Variants in UBAP2L observed in about 807,000 individuals in gnomAD.
UBAP2L encodes the protein ubiquitin associated protein 2 like.
UBAP2L carries 12 observed loss-of-function variants against 130.6 expected under a neutral mutation model. The ratio of observed to expected loss-of-function variants is 0.09; its 90% CI spans 0.06 to 0.15. The LOEUF (loss-of-function observed/expected upper bound fraction) is 0.15, where lower values mean the gene tolerates loss of function less well. Ranked by LOEUF, UBAP2L falls within the 10% of genes least tolerant of loss-of-function variation. The pLI is 1.00. For synonymous variants in UBAP2L, 503 were observed against 524.7 expected (o/e 0.96, Z 0.57); for missense variants, 965 against 1,332.5 (o/e 0.72, Z 4.29).
chr1:154,266,566 C>G lies in UBAP2L; in HGVS notation c.2968C>G (p.Gln990Glu). 6.2e-7 allele frequency: 1 copy of G among 1,614,076 alleles called. No individual in the cohort carries two copies. The highest frequency in any genetic ancestry group is 1.7e-5 in the Admixed American group (1 of 60,010). Residue 990 changes from glutamine (Q) to glutamate (E), a missense_variant and splice_region_variant, in exon 25 of 27, where the codon CAG (glutamine) becomes GAG (glutamate). Coordinates refer to ENST00000428931, the MANE Select transcript of UBAP2L (RefSeq NM_014847.4). ...DISGSVYSKT[Q>E]QSFEKQGFHS... The stretch of plus-strand genomic sequence containing the variant: ...CTCGGGTTCTGTGTACTCCAAAACC[C>G]AGGTAGGTGCCTGGCTCTGGATAAA...
intron 8 of UBAP2L, among the ~76,000 whole-genome samples, chr1:154,240,934 G>GCC (rs1270183504): frequency 2.4e-5 from 3 of 126,852 alleles, no homozygotes; most frequent in African/African-American, 7.5e-5. Flanking sequence ...TTGTCTGTCT[G>GCC]TCCCCCCCCC....
chr1:154,221,130 G>GC (rs934626571), intron 1 of UBAP2L, 155 bp downstream of exon 1: 26 of 153,128 alleles, frequency 1.7e-4, no homozygotes, highest in African/African-American at 3.5e-4. Context: ...CCCTCGGTAG[G>GC]CCCCCCCACA....
Position 154,249,293 on chromosome 1 carries a change from A to G in UBAP2L, c.1069A>G (p.Thr357Ala), listed in dbSNP as rs1357620734. 1 of 1,614,088 alleles carries G rather than the reference A, an allele frequency of 6.2e-7. No homozygotes were observed. The stretch of plus-strand genomic sequence containing the variant: ...TGTCGGTGAAGCTAAAGGCGGCAGT[A>G]CTACAGGCTCCCAGTTCTTGGAGCA... Reference protein sequence around the residue: ...GDVGEAKGGSTTGSQFLEQFK... With the variant: ...GDVGEAKGGSATGSQFLEQFK... Residue 357 changes from threonine (T) to alanine (A), a missense_variant, in exon 12 of 27, where the codon ACT (threonine) becomes GCT (alanine). By Grantham distance (58) the Thr-to-Ala change is moderately conservative (BLOSUM62 0). Around this residue, in one of 9 missense-constraint regions of UBAP2L, gnomAD observed 99 missense variants for 106.4 expected, o/e 0.93. Coordinates refer to ENST00000428931, the MANE Select transcript of UBAP2L (RefSeq NM_014847.4).
In UBAP2L at chr1:154,234,501, G is replaced by A. The variant is rs2148623336; in HGVS notation, c.280-90G>A. 5 of 1,402,844 alleles carry A rather than the reference G, an allele frequency of 3.6e-6. No homozygotes were observed. In the African/African-American group the frequency reaches 4.2e-5, roughly 12 times the overall value. 86.9% of individuals were successfully genotyped at this position (1,402,844 alleles called of 1,614,324 possible). On this transcript the variant is annotated intron_variant, in intron 4 of 26. Transcript: ENST00000428931. ...TAGACATGGATGCTGAGTGGAGAAT[G>A]GTTAAGTCAATCAGTCATCCCAGCT...
intron 2 of UBAP2L, among the ~76,000 whole-genome samples, chr1:154,226,413 T>G (rs1252007202): frequency 1.3e-5 from 2 of 152,248 alleles, no homozygotes; most frequent in African/African-American, 4.8e-5. Context: ...GTGAATGAAT[T>G]ACTTATATTT....
intron 8 of UBAP2L, among the ~76,000 whole-genome samples, chr1:154,238,728 A>T (rs1028700170): frequency 6.7e-6 from 1 of 150,022 alleles, no homozygotes; most frequent in Non-Finnish European, 1.5e-5. Context: ...ATTGTCATTA[A>T]TTTTTTTTTT....
At chr1:154,263,507 C>G in intron 24 of UBAP2L, 1 of 1,051,386 alleles carries the variant, frequency 9.5e-7, no homozygotes, top group Non-Finnish European at 1.1e-6. Context: ...TTAGCTAACT[C>G]TGGCGTTCTT....
chr1:154,240,585 TTTC>T (rs1673195403), intron 8 of UBAP2L, among the ~76,000 whole-genome samples: 1 of 152,136 alleles, frequency 6.6e-6, no homozygotes, highest in Non-Finnish European at 1.5e-5. Context: ...TATAGGGGCT[TTTC>T]TTATACAGTT....
chr1:154,270,149 C>T (rs1172645476), intron 26 of UBAP2L, 51 bp from the exon 27 acceptor site: 5 of 1,525,168 alleles, frequency 3.3e-6, no homozygotes, highest in Non-Finnish European at 4.4e-6. Context: ...CAAATTTGTA[C>T]CACTAACTAG....
intron 20 of UBAP2L, 26 bp downstream of exon 20, chr1:154,257,460 C>A (rs1227834354): frequency 9.9e-6 from 16 of 1,610,680 alleles, no homozygotes; most frequent in African/African-American, 1.3e-5. Context: ...GGATCTTCTT[C>A]AAAAGGTGAG....
At chr1:154,227,497 G>A (rs1370475898) in intron 3 of UBAP2L, 138 bp downstream of exon 3, 2 of 695,312 alleles carry the variant, frequency 2.9e-6, no homozygotes, top group Non-Finnish European at 4.7e-6. Flanking sequence ...TAATAGGTCA[G>A]GCCAATAAAT....
At chr1:154,263,125 C>G in intron 24 of UBAP2L, 1 of 1,552,092 alleles carries the variant, frequency 6.4e-7, no homozygotes, top group Non-Finnish European at 8.7e-7. Context: ...CACCCCCTTA[C>G]AAGCATTTCT....
chr1:154,221,000 T>TGGCGGC (rs557489922), intron 1 of UBAP2L, 25 bp downstream of exon 1: 76 of 192,842 alleles, frequency 3.9e-4, no homozygotes, highest in East Asian at 1.4e-3. Flanking sequence ...GCAGCGGCGT[T>TGGCGGC]GGCGGCGGCG....
chr1:154,263,498 T>C, intron 24 of UBAP2L: 5 of 1,067,154 alleles, frequency 4.7e-6, no homozygotes, highest in Non-Finnish European at 5.7e-6. Context: ...GGTATTTCTT[T>C]AGCTAACTCT....
intron 12 of UBAP2L, among the ~76,000 whole-genome samples, chr1:154,249,846 T>C (rs1307885432): frequency 6.8e-6 from 1 of 146,658 alleles, no homozygotes; most frequent in African/African-American, 2.5e-5. Context: ...GGTGAGCTAG[T>C]GTGAAGCTAG....
intron 4 of UBAP2L, among the ~76,000 whole-genome samples, chr1:154,229,188 C>T (rs1177028762): frequency 6.6e-6 from 1 of 152,000 alleles, no homozygotes; most frequent in Non-Finnish European, 1.5e-5. Context: ...TCGCATTGCA[C>T]ACTACTGTTT....
In UBAP2L at chr1:154,246,177, A is replaced by G. The variant is rs569238239; in HGVS notation, c.843-27A>G. ...ATGTTAGCGTGTTCAGTCATTCTTCATGAAGATCCCTTCCCTTCCCCATTA... is the reference window on the plus strand; with the variant it reads ...ATGTTAGCGTGTTCAGTCATTCTTCGTGAAGATCCCTTCCCTTCCCCATTA... On this transcript the variant is annotated intron_variant, in intron 10 of 26. Transcript: ENST00000428931. 5.2e-5 allele frequency: 83 copies of G among 1,585,350 alleles called. No individual in the cohort carries two copies. The South Asian group carries it at 8.0e-4, about 15-fold the overall frequency.
chr1:154,267,151 G>GTTT lies in UBAP2L; in HGVS notation c.2970+603_2970+605dup, dbSNP rs36051247. ...TTATTTCTTTTGAAATATCCAACGA[G>GTTT]TTTTTTTTTTTTTTTTTTTTTTGAG... On this transcript the variant is annotated intron_variant, in intron 25 of 26. Coordinates refer to ENST00000428931, the MANE Select transcript of UBAP2L (RefSeq NM_014847.4). Among the ~76,000 whole-genome samples, 400 of 108,608 alleles carry GTTT rather than the reference G, an allele frequency of 3.7e-3. 3 individuals carry two copies. Among genetic ancestry groups the GTTT allele is most frequent in the East Asian group, 7.2e-3 (24 of 3,342 alleles). The allele number at this position is 108,608 out of a possible 152,430, so 71.3% of individuals were successfully genotyped here.
chr1:154,268,641 G>C, intron 25 of UBAP2L, 116 bp from the exon 26 acceptor site: 1 of 966,436 alleles, frequency 1.0e-6, no homozygotes, highest in Non-Finnish European at 1.6e-6. Flanking sequence ...CAAGTGTACT[G>C]TGCCTTCTGT....
Sources: gnomAD v4.1 joint callset for allele counts (sites outside exome capture counted in the v4.1 genomes callset) on GRCh38, gnomAD v4.1.1 for gene constraint, gnomAD v4.1.1 regional missense constraint, MANE v1.5 for transcripts, NCBI Gene and HGNC (gene_info 2026-07-23, HGNC 2026-07-21) for gene names.